Variants in SGCD observed in about 807,000 individuals in gnomAD.
SGCD encodes the protein sarcoglycan delta, also known as delta-sarcoglycan.
SGCD carries 18 observed loss-of-function variants against 36.6 expected under a neutral mutation model. That is an observed-to-expected ratio of 0.49 (90% confidence interval 0.34 to 0.73). The LOEUF (loss-of-function observed/expected upper bound fraction) is 0.73, where lower values mean the gene tolerates loss of function less well. SGCD is among the 30% of genes least tolerant of loss of function. The pLI, the probability that SGCD is intolerant of heterozygous loss-of-function variation, is 0.01. For missense variants in SGCD, 387 were observed against 346.7 expected (o/e 1.12, Z -0.92); for synonymous variants, 133 against 130.6 (o/e 1.02, Z -0.12).
intron 4 of SGCD, among the ~76,000 whole-genome samples, chr5:156,579,420 T>C (rs114040916): frequency 0.021 from 3,121 of 152,228 alleles, 127 homozygotes; most frequent in East Asian, 0.17. Flanking sequence ...TGCAGGTCTC[T>C]TTCAGGTCCA....
At chr5:156,328,392 T>A (rs1767911880) in intron 1 of SGCD, among the ~76,000 whole-genome samples, 1 of 152,224 alleles carries the variant, frequency 6.6e-6, no homozygotes, top group East Asian at 1.9e-4. Context: ...GATGAATGAA[T>A]GGAATCTTGG....
intron 3 of SGCD, among the ~76,000 whole-genome samples, chr5:156,289,430 A>G (rs917110651): frequency 1.3e-5 from 2 of 151,660 alleles, no homozygotes; most frequent in East Asian, 3.9e-4. Context: ...CCCCGTATGC[A>G]TTAGCTATTT....
chr5:156,589,104 T>C (rs994895168), intron 4 of SGCD, 127 bp from the exon 5 acceptor site: 3 of 635,094 alleles, frequency 4.7e-6, no homozygotes, highest in Non-Finnish European at 8.4e-6. Flanking sequence ...ATTTGGAGTT[T>C]TTGAGTAAAG....
At chr5:156,544,326 A>G (rs1038242400) in intron 4 of SGCD, among the ~76,000 whole-genome samples, 1 of 152,180 alleles carries the variant, frequency 6.6e-6, no homozygotes, top group Non-Finnish European at 1.5e-5. Context: ...CTACCTGGTA[A>G]TAAGGTTACC....
At chr5:156,708,042 C>T (rs984046306) in intron 7 of SGCD, among the ~76,000 whole-genome samples, 1 of 152,018 alleles carries the variant, frequency 6.6e-6, no homozygotes, top group East Asian at 1.9e-4. Flanking sequence ...CTGATTAAGC[C>T]AAAGATTAAG....
At chr5:155,880,808 G>A (rs1755865522) in intron 1 of SGCD, among the ~76,000 whole-genome samples, 1 of 151,924 alleles carries the variant, frequency 6.6e-6, no homozygotes, top group South Asian at 2.1e-4. Flanking sequence ...TAAAAATCCA[G>A]CTCATACATT....
Position 156,375,608 on chromosome 5 carries a change from T to A in SGCD, c.192+30931T>A, listed in dbSNP as rs144974418. Among the ~76,000 whole-genome samples the A allele has an allele frequency of 8.1e-3, 1,228 of 152,252 alleles. 14 individuals carry two copies. Among genetic ancestry groups the A allele is most frequent in the African/African-American group, 0.023 (955 of 41,542 alleles). ...TAAATGATTGTTTCAAGAAATGCCG[T>A]GGAAAATAAAGATGTTTTGTTCAAA... On this transcript the variant is annotated intron_variant, in intron 3 of 8. Transcript: ENST00000337851.
intron 4 of SGCD, among the ~76,000 whole-genome samples, chr5:156,574,632 T>C (rs1316198084): frequency 2.0e-5 from 3 of 152,102 alleles, no homozygotes; most frequent in African/African-American, 4.8e-5. Flanking sequence ...GGGTTTTTTT[T>C]CCCTGTGTTA....
intron 1 of SGCD, among the ~76,000 whole-genome samples, chr5:155,983,440 C>G (rs1758268627): frequency 6.6e-6 from 1 of 152,160 alleles, no homozygotes; most frequent in South Asian, 2.1e-4. Context: ...GCCGGGATAA[C>G]AGGTGCACGC....
intron 3 of SGCD, among the ~76,000 whole-genome samples, chr5:156,387,098 A>T (rs1183531324): frequency 6.6e-6 from 1 of 152,162 alleles, no homozygotes; most frequent in African/African-American, 2.4e-5. Context: ...TTGGGGAATG[A>T]GTTTGCCTCC....
the SGCD span, among the ~76,000 whole-genome samples, chr5:155,839,977 T>C: frequency 6.6e-6 from 1 of 152,042 alleles, no homozygotes; most frequent in African/African-American, 2.4e-5. Flanking sequence ...AAACCTCTTC[T>C]GCTCTTTCTG....
intron 3 of SGCD, among the ~76,000 whole-genome samples, chr5:156,447,775 C>T (rs1581008426): frequency 1.3e-5 from 2 of 152,120 alleles, no homozygotes; most frequent in East Asian, 3.9e-4. Flanking sequence ...ATGTAACAAA[C>T]CTGCGCATCC....
At chr5:156,376,641 A>T (rs1770684501) in intron 3 of SGCD, among the ~76,000 whole-genome samples, 1 of 152,104 alleles carries the variant, frequency 6.6e-6, no homozygotes, top group Admixed American at 6.5e-5. Context: ...AAAATGGTTT[A>T]TGTGCATCAG....
At chr5:156,053,765 C>T (rs1320504495) in intron 1 of SGCD, among the ~76,000 whole-genome samples, 1 of 146,374 alleles carries the variant, frequency 6.8e-6, no homozygotes, top group Non-Finnish European at 1.5e-5. Flanking sequence ...ATACTTTAAG[C>T]TGGGTAGTTA....
intron 4 of SGCD, among the ~76,000 whole-genome samples, chr5:156,579,717 A>G (rs1760161900): frequency 6.6e-6 from 1 of 152,118 alleles, no homozygotes; most frequent in African/African-American, 2.4e-5. Flanking sequence ...CTGTTTTATC[A>G]GAGACTAGGA....
intron 3 of SGCD, among the ~76,000 whole-genome samples, chr5:156,264,435 T>C (rs546313643): frequency 1.4e-4 from 21 of 152,278 alleles, no homozygotes; most frequent in Admixed American, 9.8e-4. Context: ...AAAGGGAATA[T>C]ATACAAAATT....
the SGCD span, among the ~76,000 whole-genome samples, chr5:155,738,669 TG>T: frequency 2.0e-5 from 3 of 148,786 alleles, no homozygotes; most frequent in Admixed American, 6.7e-5. Context: ...AGTGTGTGTG[TG>T]TAGGAGAGTG....
chr5:156,718,610 T>TCTC, intron 7 of SGCD, among the ~76,000 whole-genome samples: 1 of 151,910 alleles, frequency 6.6e-6, no homozygotes, highest in Middle Eastern at 3.4e-3. Flanking sequence ...CAAGACCCAG[T>TCTC]CTCATAAAAA....
chr5:156,599,509 T>C (rs1006299512), intron 6 of SGCD, among the ~76,000 whole-genome samples: 1 of 152,206 alleles, frequency 6.6e-6, no homozygotes, highest in Non-Finnish European at 1.5e-5. Context: ...AAACATAATG[T>C]CTCTTACATG....
Sources: allele counts gnomAD v4.1 joint callset (sites outside exome capture counted in the v4.1 genomes callset), GRCh38; gene constraint gnomAD v4.1.1; transcripts MANE v1.5; gene names NCBI Gene and HGNC (gene_info 2026-07-23, HGNC 2026-07-21).